Variants in RFC1 observed in about 807,000 individuals in gnomAD.
RFC1 encodes replication factor C subunit 1.
In RFC1, 37 loss-of-function variants were observed where a neutral mutation model predicts 137.4. The observed-to-expected ratio is 0.27, with a 90% CI of 0.21 to 0.35. The LOEUF (loss-of-function observed/expected upper bound fraction) is 0.35. RFC1 is among the 10% of genes least tolerant of loss of function. The pLI, the probability that RFC1 is intolerant of heterozygous loss-of-function variation, is 1.00. For missense variants in RFC1, 1,205 were observed against 1,358.5 expected (o/e 0.89, Z 1.78); for synonymous variants, 429 against 455.7 (o/e 0.94, Z 0.75).
intron 1 of RFC1, among the ~76,000 whole-genome samples, chr4:39,365,153 GAAAAAAAAAAA>G (rs745527928): frequency 1.5e-4 from 12 of 79,878 alleles, no homozygotes; most frequent in Admixed American, 7.1e-4. Context: ...GGGTTGAAAT[GAAAAAAAAAAA>G]AAAAAAAAAA....
intron 4 of RFC1, among the ~76,000 whole-genome samples, chr4:39,334,610 C>T (rs1050693054): frequency 3.9e-5 from 6 of 151,980 alleles, no homozygotes; most frequent in Admixed American, 1.3e-4. Context: ...AATTGGATTC[C>T]GCCTCATAGG....
At position 39,300,130 on chromosome 4, in the gene RFC1, A is replaced by G. The variant is rs903227099; in HGVS notation, c.2699T>C (p.Met900Thr). The G allele has an allele frequency of 6.2e-7, 1 of 1,613,530 alleles. No individual in the cohort carries two copies. The highest frequency in any genetic ancestry group is 1.6e-4 in the Middle Eastern group (1 of 6,062). Residue 900 changes from methionine to threonine, a missense_variant, in exon 21 of 25, where the codon ATG becomes ACG. Physicochemically the swap from Met to Thr is moderately conservative, Grantham distance 81. Transcript: ENST00000349703. Reference sequence around the variant, plus strand: ...GCTTAAAAGCATCAGGTGCTTTTTCATGTCACCCCTGCAGGAAAGAACCAG... The same window carrying G: ...GCTTAAAAGCATCAGGTGCTTTTTCGTGTCACCCCTGCAGGAAAGAACCAG... Reference protein sequence around the residue: ...HVKPVAAGGDMKKHLMLLSRA... With the variant: ...HVKPVAAGGDTKKHLMLLSRA...
At position 39,308,603 on chromosome 4, in the gene RFC1, C is replaced by T. The variant is rs202187590; in HGVS notation, c.1885+33G>A. 6.9e-6 allele frequency: 11 copies of T among 1,588,324 alleles called. No homozygotes were observed. The East Asian group carries it at 2.2e-4, about 32-fold the overall frequency. ...CTGAGCAATCACATGTTGATATACA[C>T]ACACACAAAAATGAGTGAGGTTGTA... On this transcript the variant is annotated intron_variant, in intron 13 of 24. Coordinates refer to ENST00000349703, the MANE Select transcript of RFC1 (RefSeq NM_002913.5).
chr4:39,331,741 T>A (rs909902424), intron 4 of RFC1, among the ~76,000 whole-genome samples: 5 of 152,238 alleles, frequency 3.3e-5, no homozygotes, highest in African/African-American at 1.2e-4. Flanking sequence ...ATGACACTGT[T>A]TATCTATAGC....
chr4:39,298,419 C>T (rs925389066), intron 21 of RFC1, among the ~76,000 whole-genome samples: 2 of 151,642 alleles, frequency 1.3e-5, no homozygotes, highest in Non-Finnish European at 2.9e-5. Context: ...TTTCTGGAAG[C>T]GTCTTACTTA....
At chr4:39,339,608 T>A (rs545864351) in intron 4 of RFC1, among the ~76,000 whole-genome samples, 16 of 152,212 alleles carry the variant, frequency 1.1e-4, no homozygotes, top group African/African-American at 3.6e-4. Flanking sequence ...TTCTATTGAA[T>A]TGTATGAATT....
chr4:39,347,446 C>A (rs1740912231), intron 2 of RFC1, among the ~76,000 whole-genome samples: 1 of 152,216 alleles, frequency 6.6e-6, no homozygotes, highest in Admixed American at 6.5e-5. Context: ...GGTAATAAAT[C>A]TCTCTATGTA....
chr4:39,295,588 A>G, intron 22 of RFC1, 26 bp downstream of exon 22: 3 of 1,564,824 alleles, frequency 1.9e-6, no homozygotes, highest in Non-Finnish European at 2.6e-6. Flanking sequence ...TCGATAAAAT[A>G]CCCGAAACAG....
At chr4:39,299,909 G>C (rs558751268) in intron 21 of RFC1, 112 bp downstream of exon 21, 1 of 694,002 alleles carries the variant, frequency 1.4e-6, no homozygotes, top group African/African-American at 1.8e-5. Flanking sequence ...AGCGAGACTC[G>C]ATCTCAAAAA....
intron 4 of RFC1, among the ~76,000 whole-genome samples, chr4:39,333,365 C>T (rs1410133414): frequency 6.6e-6 from 1 of 152,026 alleles, no homozygotes; most frequent in East Asian, 1.9e-4. Context: ...AGTTCATATC[C>T]TTTAGCATAG....
intron 4 of RFC1, among the ~76,000 whole-genome samples, chr4:39,335,716 T>A (rs1740315129): frequency 6.6e-6 from 1 of 152,112 alleles, no homozygotes; most frequent in Non-Finnish European, 1.5e-5. Context: ...ACGGGCAATA[T>A]AAGGAAATCT....
chr4:39,317,370 GTTTAACGGGAAAATACATTT>G (rs1210030265), intron 9 of RFC1, among the ~76,000 whole-genome samples: 5 of 152,166 alleles, frequency 3.3e-5, no homozygotes, highest in Admixed American at 2.0e-4. Flanking sequence ...ATATATCCAT[GTTTAACGGGAAAATACATTT>G]TTTCCCCAAG....
chr4:39,356,866 G>A (rs993341081), intron 1 of RFC1, among the ~76,000 whole-genome samples: 1 of 152,144 alleles, frequency 6.6e-6, no homozygotes, highest in African/African-American at 2.4e-5. Context: ...ACTTCTCTGA[G>A]GAAAACACTG....
At chr4:39,355,126 CACACACACACAA>C (rs1218204938) in intron 1 of RFC1, among the ~76,000 whole-genome samples, 2 of 142,638 alleles carry the variant, frequency 1.4e-5, no homozygotes, top group Non-Finnish European at 3.1e-5. Flanking sequence ...CACACACACA[CACACACACACAA>C]CAGGCCAGGT....
chr4:39,358,036 A>C (rs1741569041), intron 1 of RFC1, among the ~76,000 whole-genome samples: 1 of 152,096 alleles, frequency 6.6e-6, no homozygotes, highest in South Asian at 2.1e-4. Context: ...GCACTTTGGG[A>C]GGCCAAGGCG....
At chr4:39,344,273 C>G (rs1282267911) in intron 3 of RFC1, among the ~76,000 whole-genome samples, 1 of 152,104 alleles carries the variant, frequency 6.6e-6, no homozygotes, top group East Asian at 1.9e-4. Context: ...TTCATGTTCC[C>G]TATTTTAAAA....
chr4:39,330,384 C>A (rs1460690160), intron 4 of RFC1, among the ~76,000 whole-genome samples: 1 of 151,998 alleles, frequency 6.6e-6, no homozygotes, highest in Non-Finnish European at 1.5e-5. Flanking sequence ...AAAAAGTAAC[C>A]CACTATTTAA....
intron 4 of RFC1, among the ~76,000 whole-genome samples, chr4:39,331,760 T>C (rs183688603): frequency 3.7e-4 from 57 of 152,338 alleles, no homozygotes; most frequent in African/African-American, 1.3e-3. Flanking sequence ...GCTATATACA[T>C]AACTTTTAAA....
At chr4:39,329,050 A>G (rs1739933825) in intron 4 of RFC1, among the ~76,000 whole-genome samples, 1 of 148,562 alleles carries the variant, frequency 6.7e-6, no homozygotes, top group African/African-American at 2.5e-5. Flanking sequence ...AGCATTCATG[A>G]CAACGTTTAG....
Sources: allele counts gnomAD v4.1 joint callset (sites outside exome capture counted in the v4.1 genomes callset), GRCh38; gene constraint gnomAD v4.1.1; transcripts MANE v1.5; gene names NCBI Gene and HGNC (gene_info 2026-07-23, HGNC 2026-07-21).